ACOT11: variants seen among roughly 807,000 people sequenced by gnomAD.
ACOT11 encodes acyl-coenzyme A thioesterase 11.
A neutral mutation model predicts 77.5 loss-of-function variants in ACOT11; 69 were observed. That is an observed-to-expected ratio of 0.89 (90% CI 0.73 to 1.09). The LOEUF is 1.09. ACOT11 is among the 50% of genes least tolerant of loss of function. ACOT11 has a pLI of 0.00. For missense variants in ACOT11, 766 were observed against 813.7 expected (o/e 0.94, Z 0.71); for synonymous variants, 279 against 313.0 (o/e 0.89, Z 1.15).
At chr1:54,555,417 T>C (rs921653195) in intron 1 of ACOT11, among the ~76,000 whole-genome samples, 1 of 152,234 alleles carries the variant, frequency 6.6e-6, no homozygotes, top group East Asian at 1.9e-4. Context: ...TCAGGTCTTT[T>C]GCCCATTTTA....
At position 54,607,963 on chromosome 1, in the gene ACOT11, G is replaced by C; in HGVS notation, c.1524G>C (p.Leu508=). The C allele has an allele frequency of 6.2e-7, 1 of 1,613,928 alleles. No homozygotes were observed. Among genetic ancestry groups the C allele is most frequent in the Non-Finnish European group, 8.5e-7 (1 of 1,179,964 alleles). The stretch of plus-strand genomic sequence containing the variant: ...TCAGGGACCCCTATGTCATCGCGCT[G>C]AGGTCGGTCACGCTGCCCACACACC... ...CDNGDPYVIA[L]RSVTLPTHRE... Residue 508 remains leucine (L), a synonymous_variant, in exon 15 of 16, where the codon CTG becomes CTC. Coordinates refer to ENST00000343744, the MANE Select transcript of ACOT11 (RefSeq NM_147161.4). The surrounding 1 kb of genome is among the most constrained non-coding windows in gnomAD (Gnocchi z 4.5).
chr1:54,599,489 C>G (rs1218716616), intron 8 of ACOT11, 74 bp downstream of exon 8: 2 of 1,413,112 alleles, frequency 1.4e-6, no homozygotes, highest in Non-Finnish European at 1.9e-6. Context: ...AAGGACCCTA[C>G]TTCAAACTGT....
exon 17 of ACOT11, chr1:54,637,146 G>C (rs1266704190): frequency 6.6e-6 from 1 of 152,182 alleles, no homozygotes; most frequent in Admixed American, 6.5e-5. Flanking sequence ...CAGCTCTGAA[G>C]GCTGTGAGAC....
downstream of ACOT11, among the ~76,000 whole-genome samples, chr1:54,613,805 C>T (rs1309556983): frequency 6.6e-6 from 1 of 152,082 alleles, no homozygotes; most frequent in Non-Finnish European, 1.5e-5. Context: ...TTGGAAGGCA[C>T]CTCAGCTTGA....
chr1:54,579,252 G>A (rs1418271096), intron 1 of ACOT11, among the ~76,000 whole-genome samples: 1 of 151,986 alleles, frequency 6.6e-6, no homozygotes, highest in Non-Finnish European at 1.5e-5. Context: ...CTTGTCTGCT[G>A]GGAACCTCAA....
chr1:54,610,471 ACATTCAGACCGT>A (rs758022776), downstream of ACOT11: 53 of 1,501,056 alleles, frequency 3.5e-5, no homozygotes, highest in Non-Finnish European at 4.4e-5. Flanking sequence ...CAGCCACTCC[ACATTCAGACCGT>A]CATCCCCAGG....
intron 16 of ACOT11, among the ~76,000 whole-genome samples, chr1:54,631,571 G>A (rs1439485148): frequency 6.6e-6 from 1 of 152,146 alleles, no homozygotes; most frequent in African/African-American, 2.4e-5. Flanking sequence ...CAAATTAATA[G>A]GACTGCAGAC....
intron 1 of ACOT11, among the ~76,000 whole-genome samples, chr1:54,563,775 T>C (rs1569659020): frequency 6.6e-6 from 1 of 151,314 alleles, no homozygotes; most frequent in East Asian, 2.0e-4. Flanking sequence ...ATTTAAAAAA[T>C]TGGGCTTGGT....
intron 15 of ACOT11, chr1:54,623,217 TG>T: frequency 9.4e-7 from 1 of 1,062,480 alleles, no homozygotes; most frequent in Non-Finnish European, 1.4e-6. Context: ...AAGTGAGAAG[TG>T]GGGATAAGGA....
At chr1:54,619,855 T>A in intron 15 of ACOT11, 1 of 1,613,642 alleles carries the variant, frequency 6.2e-7, no homozygotes, top group Non-Finnish European at 8.5e-7. Flanking sequence ...TCTTGGCAGC[T>A]GGACTTACTG....
chr1:54,570,681 CT>C (rs35537173), intron 1 of ACOT11, among the ~76,000 whole-genome samples: 85,119 of 146,582 alleles, frequency 0.58, 24,853 homozygotes, highest in African/African-American at 0.68. Context: ...CGTGCCTGGC[CT>C]TTTTTTTTTT....
At chr1:54,583,818 C>G (rs979671909) in intron 1 of ACOT11, among the ~76,000 whole-genome samples, 1 of 152,194 alleles carries the variant, frequency 6.6e-6, no homozygotes, top group Non-Finnish European at 1.5e-5. Flanking sequence ...AACCCATATG[C>G]CTGTCCCTCC....
rs1278466398 is a variant in ACOT11, at chr1:54,597,342, G to A, written c.691G>A (p.Ala231Thr). The A allele has an allele frequency of 2.5e-6, 4 of 1,613,878 alleles. No homozygotes were observed. The highest frequency in any genetic ancestry group is 1.3e-5 in the African/African-American group (1 of 75,018). The change falls in exon 7 of 16, where the codon GCC becomes ACC. Residue 231 changes from alanine (A) to threonine (T), a missense_variant. By Grantham distance (58) the Ala-to-Thr change is moderately conservative. Transcript: ENST00000343744. Reference sequence around the variant, plus strand: ...TGTGGAGCTGGTCCTGCCTCCCCACGCCAATCACCAGGGCAACACCTTTGG... The same window carrying A: ...TGTGGAGCTGGTCCTGCCTCCCCACACCAATCACCAGGGCAACACCTTTGG... Reference protein sequence around the residue: ...ESVELVLPPHANHQGNTFGGQ... With the variant: ...ESVELVLPPHTNHQGNTFGGQ...
chr1:54,564,395 G>A (rs1653663591), intron 1 of ACOT11, among the ~76,000 whole-genome samples: 1 of 152,270 alleles, frequency 6.6e-6, no homozygotes, highest in Non-Finnish European at 1.5e-5. Flanking sequence ...GTTGCCTGCG[G>A]GGGGTGGGGA....
At chr1:54,606,435 G>A (rs902625326) in intron 13 of ACOT11, among the ~76,000 whole-genome samples, 1 of 152,188 alleles carries the variant, frequency 6.6e-6, no homozygotes, top group African/African-American at 2.4e-5. Context: ...ACATGGCCAT[G>A]CCTGCCTCTG....
intron 1 of ACOT11, among the ~76,000 whole-genome samples, chr1:54,577,172 A>G (rs1052095389): frequency 5.3e-5 from 8 of 152,338 alleles, no homozygotes; most frequent in Admixed American, 3.9e-4. Context: ...AAACTTAACC[A>G]TTTTAAAGTG....
intron 15 of ACOT11, among the ~76,000 whole-genome samples, chr1:54,617,066 T>C (rs1644180297): frequency 6.6e-6 from 1 of 152,234 alleles, no homozygotes. Context: ...TTCTGATTCT[T>C]GTTCCTGCAC....
At chr1:54,579,530 T>C (rs1238715559) in intron 1 of ACOT11, among the ~76,000 whole-genome samples, 2 of 152,200 alleles carry the variant, frequency 1.3e-5, no homozygotes, top group Non-Finnish European at 2.9e-5. Flanking sequence ...TGGGTTTCTC[T>C]GAGAGGCTGG....
downstream of ACOT11, among the ~76,000 whole-genome samples, chr1:54,613,480 G>T (rs1256689178): frequency 1.3e-5 from 2 of 150,858 alleles, no homozygotes; most frequent in South Asian, 2.1e-4. Context: ...TCTATACGTG[G>T]TCTCGCTGTG....
Sources: allele counts gnomAD v4.1 joint callset (sites outside exome capture counted in the v4.1 genomes callset), GRCh38; gene constraint gnomAD v4.1.1; non-coding constraint Gnocchi (gnomAD v3.1); transcripts MANE v1.5; gene names NCBI Gene and HGNC (gene_info 2026-07-23, HGNC 2026-07-21).